The following GLOD4 variants were observed in gnomAD, a reference collection of about 807,000 sequenced individuals.
The protein encoded by GLOD4 is glyoxalase domain-containing protein 4.
A neutral mutation model predicts 39.1 loss-of-function variants in GLOD4; 44 were observed. The observed-to-expected ratio is 1.13, with a 90% CI of 0.88 to 1.45. GLOD4 has a LOEUF of 1.45. Ranked by LOEUF, GLOD4 falls within the 40% of genes most tolerant of loss-of-function variation. The probability of loss-of-function intolerance (pLI) is 0.00; values close to 1 mark genes in which losing one functional copy is unlikely to be tolerated. For synonymous variants in GLOD4, 145 were observed against 135.0 expected (o/e 1.07, Z -0.52); for missense variants, 405 against 366.4 (o/e 1.11, Z -0.86).
At chr17:760,295 G>A (rs908481951) in intron 8 of GLOD4, 57 bp from the exon 9 acceptor site, 1 of 936,426 alleles carries the variant, frequency 1.1e-6, no homozygotes, top group Non-Finnish European at 1.8e-6. Flanking sequence ...AAAAGACATA[G>A]CCCACTTTAT....
chr17:760,051 T>G lies in GLOD4; in HGVS notation c.*122A>C. 1 of 683,060 alleles carries G rather than the reference T, an allele frequency of 1.5e-6. No homozygotes were observed. The highest frequency in any genetic ancestry group is 2.5e-5 in the East Asian group (1 of 39,914). 42.3% of individuals were successfully genotyped at this position (683,060 alleles called of 1,614,324 possible). On this transcript the variant is annotated 3_prime_UTR_variant, in exon 9 of 9. Transcript: ENST00000301329. ...AAGATTGAAATACACAAATCTGCACTACCCAAGCCTCCTTGCCTGTACGGG... is the reference window on the plus strand; with the variant it reads ...AAGATTGAAATACACAAATCTGCACGACCCAAGCCTCCTTGCCTGTACGGG...
upstream of GLOD4, chr17:782,372 A>T: frequency 6.2e-7 from 1 of 1,613,514 alleles, no homozygotes; most frequent in Non-Finnish European, 8.5e-7. Context: ...CCCGGGTCTC[A>T]GGGAACATGG....
intron 1 of GLOD4, 44 bp from the exon 2 acceptor site, chr17:778,788 GC>G: frequency 9.0e-7 from 1 of 1,112,488 alleles, no homozygotes; most frequent in Non-Finnish European, 1.4e-6. Context: ...TGCTAGTACT[GC>G]TCACAGCGTC....
upstream of GLOD4, chr17:783,056 GTTTT>G (rs34512506): frequency 2.0e-4 from 266 of 1,352,314 alleles, no homozygotes; most frequent in Non-Finnish European, 2.5e-4. Flanking sequence ...ATAGTTACCT[GTTTT>G]TTTTTTTTAT....
At position 776,775 on chromosome 17, in the gene GLOD4, T is replaced by G; in HGVS notation, c.261+93A>C. ...TTTGAGTCTCTGCTCAAATGTTATC[T>G]CTTCACTCACACACACCCTTGGCAC... On this transcript the variant is annotated intron_variant, in intron 3 of 8. Transcript: ENST00000301329. 3 of 927,448 alleles carry G rather than the reference T, an allele frequency of 3.2e-6. No individual in the cohort carries two copies. In the South Asian group the frequency reaches 4.0e-5, roughly 12 times the overall value. 57.5% of individuals were successfully genotyped at this position (927,448 alleles called of 1,614,324 possible).
At position 775,541 on chromosome 17, in the gene GLOD4, A is replaced by G. The variant is rs368305651; in HGVS notation, c.406+234T>C. ...TGGGTTTTCTGTTATTTACAGATGA[A>G]AGAATCATAAATCACTACATTACCA... On this transcript the variant is annotated intron_variant, in intron 4 of 8. Transcript: ENST00000301329. 6.6e-5 allele frequency among the ~76,000 whole-genome samples: 10 copies of G among 152,322 alleles called. No homozygotes were observed. In the East Asian group the frequency reaches 1.5e-3, roughly 23 times the overall value.
chr17:775,628 A>T, intron 4 of GLOD4, 147 bp downstream of exon 4: 1 of 641,116 alleles, frequency 1.6e-6, no homozygotes, highest in Non-Finnish European at 2.8e-6. Flanking sequence ...ATGAGAATGT[A>T]GTCTCTCCGA....
chr17:776,886 C>T lies in GLOD4; in HGVS notation c.243G>A (p.Lys81=). 1 of 1,613,474 alleles carries T rather than the reference C, an allele frequency of 6.2e-7. No homozygotes were observed. Among genetic ancestry groups the T allele is most frequent in the East Asian group, 2.2e-5 (1 of 44,884 alleles). The change falls in exon 3 of 9, where the codon AAG becomes AAA. Residue 81 remains lysine (K), a synonymous_variant. Coordinates refer to ENST00000301329, the MANE Select transcript of GLOD4 (RefSeq NM_016080.4). ...TATTTACCATAAAGTCATTGCCAAG[C>T]TTGTAGTCTCCGACGCCATAATTGT... The part of the protein sequence containing the change: ...LTYNYGVGDY[K]LGNDFMGITL...
chr17:776,955 C>T lies in GLOD4; in HGVS notation c.174G>A (p.Val58=). The T allele has an allele frequency of 6.2e-7, 1 of 1,605,904 alleles. No homozygotes were observed. ...PYDGKWSKTM[V]GFGPEDDHFV... is the part of the protein sequence containing the mutation. ...AATGATCATCCTCAGGCCCAAATCC[C>T]ACCATTGTTTTACTCCATTTCCCAT... Residue 58 remains valine (V), a synonymous_variant, in exon 3 of 9, where the codon GTG becomes GTA. Transcript: ENST00000301329.
intron 2 of GLOD4, chr17:777,523 TC>T: frequency 6.5e-6 from 1 of 154,364 alleles, no homozygotes; most frequent in Non-Finnish European, 1.4e-5. Context: ...ATGCCCATAG[TC>T]CCACGTACTA....
intron 8 of GLOD4, chr17:763,646 T>C (rs1327043695): frequency 6.6e-6 from 1 of 152,226 alleles, no homozygotes; most frequent in Non-Finnish European, 1.5e-5. Flanking sequence ...TGGGCCAAGC[T>C]TGAAGACTGC....
rs977124484 is a variant in GLOD4, at chr17:770,060, A to G, written c.728T>C (p.Val243Ala). 1.9e-6 allele frequency: 3 copies of G among 1,607,584 alleles called. No individual in the cohort carries two copies. The African/African-American group carries it at 4.0e-5, about 22-fold the overall frequency. Residue 243 changes from valine (V) to alanine (A), a missense_variant, in exon 7 of 9, where the codon GTC becomes GCC. Val to Ala is a moderately conservative substitution (Grantham distance 64, BLOSUM62 0). Transcript: ENST00000301329. The stretch of plus-strand genomic sequence containing the variant: ...AATACTTACAGGGTCGGCCAGAATG[A>G]CCACCTGTACTGTTGCTTTCCCTGG... ...DTPGKATVQV[V>A]ILADPDGHEI... is the part of the protein sequence containing the mutation.
At chr17:768,332 TGAGA>T (rs1225317642) in intron 8 of GLOD4, among the ~76,000 whole-genome samples, 6 of 139,652 alleles carry the variant, frequency 4.3e-5, no homozygotes, top group African/African-American at 1.4e-4. Context: ...GAAGAGGACG[TGAGA>T]GAGAGAAACA....
chr17:778,856 TA>T, intron 1 of GLOD4, 112 bp from the exon 2 acceptor site: 1 of 650,374 alleles, frequency 1.5e-6, no homozygotes, highest in Non-Finnish European at 2.7e-6. Context: ...GCTTTACTTG[TA>T]AAAGAACAAA....
In GLOD4 at chr17:771,478, C is replaced by G; in HGVS notation, c.407-17G>C. The G allele has an allele frequency of 3.5e-6, 5 of 1,433,208 alleles. No individual in the cohort carries two copies. The highest frequency in any genetic ancestry group is 3.8e-6 in the Non-Finnish European group (4 of 1,053,430). 88.8% of individuals were successfully genotyped at this position (1,433,208 alleles called of 1,614,324 possible). ...ATACAGGATCTGTTGGGTAATAAAG[C>G]AGGAATAGACAGATCAATTTAATAG... On this transcript the variant is annotated splice_polypyrimidine_tract_variant and intron_variant, in intron 4 of 8. Coordinates refer to ENST00000301329, the MANE Select transcript of GLOD4 (RefSeq NM_016080.4).
chr17:783,679 C>A (rs1448463675), upstream of GLOD4, among the ~76,000 whole-genome samples: 1 of 152,178 alleles, frequency 6.6e-6, no homozygotes, highest in Non-Finnish European at 1.5e-5. Context: ...GGATTAATTT[C>A]TCATACTTGT....
upstream of GLOD4, chr17:783,016 A>G (rs767601311): frequency 9.8e-5 from 152 of 1,543,844 alleles, no homozygotes; most frequent in Non-Finnish European, 1.3e-4. Flanking sequence ...TTCTGTTACA[A>G]CTAAGCGTGT....
intron 8 of GLOD4, among the ~76,000 whole-genome samples, chr17:768,070 G>C (rs1378885164): frequency 6.8e-6 from 1 of 148,028 alleles, no homozygotes; most frequent in African/African-American, 2.5e-5. Context: ...GAGAAACAGC[G>C]CGCACTCAGA....
chr17:766,187 A>C (rs763764296), intron 8 of GLOD4, among the ~76,000 whole-genome samples: 8 of 152,026 alleles, frequency 5.3e-5, no homozygotes, highest in Non-Finnish European at 4.4e-5. Context: ...GGTTCCAGCT[A>C]CTAGGGAGGC....
Sources: allele counts gnomAD v4.1 joint callset (sites outside exome capture counted in the v4.1 genomes callset), GRCh38; gene constraint gnomAD v4.1.1; transcripts MANE v1.5; gene names NCBI Gene and HGNC (gene_info 2026-07-23, HGNC 2026-07-21).